Variants in LRFN2 observed in about 807,000 individuals in gnomAD.
LRFN2 encodes leucine-rich repeat and fibronectin type-III domain-containing protein 2.
Under a neutral mutation model 37.3 loss-of-function variants are expected in LRFN2, and 18 were observed. The observed-to-expected ratio is 0.48, with a 90% CI of 0.33 to 0.72. The LOEUF (loss-of-function observed/expected upper bound fraction) is 0.72. Ranked by LOEUF, LRFN2 falls within the 30% of genes least tolerant of loss-of-function variation. The pLI is 0.02. For missense variants in LRFN2, 1,006 were observed against 1,060.7 expected, an observed-to-expected ratio of 0.95 and a Z score of 0.72; for synonymous variants, 556 against 466.6, an observed-to-expected ratio of 1.19 and a Z score of -2.47.
chr6:40,476,959 G>T (rs1764721801), intron 1 of LRFN2, among the ~76,000 whole-genome samples: 2 of 152,224 alleles, frequency 1.3e-5, no homozygotes, highest in African/African-American at 4.8e-5. Context: ...AGTAGCTTAG[G>T]CATCTAGTTC....
intron 1 of LRFN2, among the ~76,000 whole-genome samples, chr6:40,578,637 C>T (rs1195720532): frequency 6.6e-6 from 1 of 152,112 alleles, no homozygotes; most frequent in Non-Finnish European, 1.5e-5. Flanking sequence ...TAAGTATGGT[C>T]CTCTCCATGC....
intron 1 of LRFN2, among the ~76,000 whole-genome samples, chr6:40,514,000 G>C (rs753947313): frequency 1.3e-5 from 2 of 152,026 alleles, no homozygotes; most frequent in Non-Finnish European, 2.9e-5. Flanking sequence ...TCCATGTCAT[G>C]ATGGACCACC....
intron 1 of LRFN2, among the ~76,000 whole-genome samples, chr6:40,577,794 AAT>A (rs201666368): frequency 0.015 from 1,833 of 121,106 alleles, 14 homozygotes; most frequent in Non-Finnish European, 0.021. Context: ...GGAAAAAATA[AAT>A]AAATAAATAA....
chr6:40,391,968 T>C lies in LRFN2; in HGVS notation c.2345A>G (p.Glu782Gly), dbSNP rs1367769848. Residue 782 changes from glutamate to glycine, a missense_variant, in exon 3 of 3, where the codon GAA becomes GGA. Physicochemically the swap from Glu to Gly is moderately conservative, Grantham distance 98 (BLOSUM62 -2). Coordinates refer to ENST00000338305, the MANE Select transcript of LRFN2 (RefSeq NM_020737.3). The part of the protein sequence containing the change: ...VGARGTFGSS[E>G]WVMESTV ...CTAGACCGTGCTCTCCATCACCCAT[T>C]CGGAGCTGCCAAAAGTCCCCCGGGC... is the stretch of plus-strand genomic sequence containing the variant. 1 of 1,590,980 alleles carries C rather than the reference T, an allele frequency of 6.3e-7. No homozygotes were observed. The highest frequency in any genetic ancestry group is 8.6e-7 in the Non-Finnish European group (1 of 1,167,664).
chr6:40,428,489 C>A (rs879439930), intron 2 of LRFN2, among the ~76,000 whole-genome samples: 1 of 152,128 alleles, frequency 6.6e-6, no homozygotes, highest in South Asian at 2.1e-4. Flanking sequence ...CTAATGAGGA[C>A]AATTCATTTT....
intron 2 of LRFN2, among the ~76,000 whole-genome samples, chr6:40,397,977 A>G (rs1762650755): frequency 6.6e-6 from 1 of 151,942 alleles, no homozygotes; most frequent in Non-Finnish European, 1.5e-5. Flanking sequence ...ATTGAAGTGC[A>G]TGATGATTAT....
chr6:40,498,481 T>A (rs796964004), intron 1 of LRFN2, among the ~76,000 whole-genome samples: 2 of 152,320 alleles, frequency 1.3e-5, no homozygotes, highest in African/African-American at 4.8e-5. Flanking sequence ...ACCTGCACTG[T>A]GGCTGCCTTC....
In LRFN2 at chr6:40,435,082, G is replaced by GAC. The variant is rs61447147; in HGVS notation, c.-18-1952_-18-1951insGT. 2.2e-3 allele frequency among the ~76,000 whole-genome samples: 300 copies of GAC among 135,442 alleles called. 10 individuals carry two copies. The East Asian group carries it at 0.067, about 30-fold the overall frequency. 88.9% of individuals were successfully genotyped at this position (135,442 alleles called of 152,430 possible). ...AGAGAGAGAGAGAGAGAGAGAGAGA[G>GAC]AGAGAGAGACAGAGAGATAATATAT... On this transcript the variant is annotated intron_variant, in intron 1 of 2. Coordinates refer to ENST00000338305, the MANE Select transcript of LRFN2 (RefSeq NM_020737.3).
intron 1 of LRFN2, among the ~76,000 whole-genome samples, chr6:40,502,964 G>A (rs1398109752): frequency 6.6e-6 from 1 of 152,250 alleles, no homozygotes; most frequent in African/African-American, 2.4e-5. Context: ...CAGCATGCCA[G>A]CAGTGAGAGG....
chr6:40,465,842 C>A (rs1484906490), intron 1 of LRFN2, among the ~76,000 whole-genome samples: 2 of 152,136 alleles, frequency 1.3e-5, no homozygotes, highest in African/African-American at 4.8e-5. Context: ...AGAAGAACAG[C>A]AGTGACCTCT....
chr6:40,505,517 G>T (rs1202597429), intron 1 of LRFN2, among the ~76,000 whole-genome samples: 3 of 152,188 alleles, frequency 2.0e-5, no homozygotes, highest in Non-Finnish European at 4.4e-5. Context: ...CAGCTGGAGA[G>T]AATTTATTTC....
intron 1 of LRFN2, among the ~76,000 whole-genome samples, chr6:40,470,338 G>T (rs1411050327): frequency 6.6e-6 from 1 of 152,220 alleles, no homozygotes; most frequent in African/African-American, 2.4e-5. Context: ...GTGGCTGGGC[G>T]CAGTGGCTCA....
chr6:40,519,774 G>A (rs1225783688), intron 1 of LRFN2, among the ~76,000 whole-genome samples: 1 of 152,212 alleles, frequency 6.6e-6, no homozygotes, highest in Non-Finnish European at 1.5e-5. Context: ...ATAACAAACA[G>A]GGGAAGCAGG....
chr6:40,391,930 T>C lies in LRFN2; in HGVS notation c.*13A>G. 6.5e-7 allele frequency: 1 copy of C among 1,529,236 alleles called. No homozygotes were observed. The highest frequency in any genetic ancestry group is 8.8e-7 in the Non-Finnish European group (1 of 1,136,392). 94.7% of individuals were successfully genotyped at this position (1,529,236 alleles called of 1,614,324 possible). A position where few individuals can be genotyped will look rare whatever the true frequency, so the allele number is the denominator to read the frequency against. ...CACCCTGCGCACAGGAAAGGGAGCA[T>C]GCCCACCCCCACCTAGACCGTGCTC... On this transcript the variant is annotated 3_prime_UTR_variant, in exon 3 of 3. Transcript: ENST00000338305.
rs574933540 is a variant in LRFN2 at position 40,403,949 on chromosome 6, T to C, written c.1401-11037A>G. On this transcript the variant is annotated intron_variant, in intron 2 of 2. Coordinates refer to ENST00000338305, the MANE Select transcript of LRFN2 (RefSeq NM_020737.3). ...TTACTCTACAATCTGGGCTCCCCACTGCTTCTCAAATCTGCCAAGGGGAAT... is the reference window on the plus strand; with the variant it reads ...TTACTCTACAATCTGGGCTCCCCACCGCTTCTCAAATCTGCCAAGGGGAAT... Among the ~76,000 whole-genome samples the C allele has an allele frequency of 3.3e-5, 5 of 152,338 alleles. No homozygotes were observed. In the East Asian group the frequency reaches 9.7e-4, roughly 29 times the overall value.
intron 1 of LRFN2, among the ~76,000 whole-genome samples, chr6:40,479,818 G>A (rs1451610168): frequency 6.6e-6 from 1 of 152,212 alleles, no homozygotes; most frequent in Non-Finnish European, 1.5e-5. Context: ...GATGGAGCCT[G>A]GGCCACGTTC....
intron 1 of LRFN2, among the ~76,000 whole-genome samples, chr6:40,474,597 C>A (rs1764670896): frequency 6.6e-6 from 1 of 152,194 alleles, no homozygotes; most frequent in African/African-American, 2.4e-5. Context: ...TCAAGCAATT[C>A]TCCTACCTCA....
chr6:40,467,350 G>C (rs1356292215), intron 1 of LRFN2, among the ~76,000 whole-genome samples: 2 of 152,090 alleles, frequency 1.3e-5, no homozygotes, highest in South Asian at 2.1e-4. Context: ...CCAGCTGCCT[G>C]TGTCCTTGGA....
intron 1 of LRFN2, among the ~76,000 whole-genome samples, chr6:40,437,792 T>C (rs1401686550): frequency 1.3e-5 from 2 of 152,166 alleles, no homozygotes; most frequent in African/African-American, 4.8e-5. Flanking sequence ...TTTGGACAAA[T>C]GCTGTAAAGA....
Sources: allele counts gnomAD v4.1 joint callset (sites outside exome capture counted in the v4.1 genomes callset), GRCh38; gene constraint gnomAD v4.1.1; transcripts MANE v1.5; gene names NCBI Gene and HGNC (gene_info 2026-07-23, HGNC 2026-07-21).